The following TENM2 variants were observed in gnomAD, a reference collection of about 807,000 sequenced individuals.
The protein encoded by TENM2 is teneurin transmembrane protein 2.
Under a neutral mutation model 245.2 loss-of-function variants are expected in TENM2, and 52 were observed. That is an observed-to-expected ratio of 0.21 (90% CI 0.17 to 0.27). TENM2 has a LOEUF of 0.27. TENM2 is among the 10% of genes least tolerant of loss of function. TENM2 has a pLI of 1.00. For synonymous variants in TENM2, 1,363 were observed against 1,438.9 expected (o/e 0.95, Z 1.19); for missense variants, 3,046 against 3,666.8 (o/e 0.83, Z 4.37).
the TENM2 span, among the ~76,000 whole-genome samples, chr5:167,142,703 A>T: frequency 6.6e-6 from 1 of 152,042 alleles, no homozygotes; most frequent in Non-Finnish European, 1.5e-5. Flanking sequence ...GGCACGCACC[A>T]CTATGCCCAG....
At chr5:168,170,028 G>A (rs1423240385) in intron 13 of TENM2, among the ~76,000 whole-genome samples, 1 of 152,202 alleles carries the variant, frequency 6.6e-6, no homozygotes, top group African/African-American at 2.4e-5. Context: ...TAGGAGGGAA[G>A]CAGAATTAGC....
intron 2 of TENM2, among the ~76,000 whole-genome samples, chr5:167,378,851 A>G (rs1329812794): frequency 2.9e-5 from 4 of 139,456 alleles, no homozygotes; most frequent in Admixed American, 7.3e-5. Flanking sequence ...TCACCTTGGG[A>G]CTTAAAAATT....
At chr5:168,163,219 G>A (rs781031305) in intron 13 of TENM2, among the ~76,000 whole-genome samples, 6 of 152,160 alleles carry the variant, frequency 3.9e-5, no homozygotes, top group Non-Finnish European at 7.3e-5. Flanking sequence ...TAACTTTTTC[G>A]AGATAATCCA....
intron 2 of TENM2, among the ~76,000 whole-genome samples, chr5:167,576,050 C>A (rs1774657331): frequency 6.6e-6 from 1 of 152,166 alleles, no homozygotes; most frequent in East Asian, 1.9e-4. Flanking sequence ...ATCATATATG[C>A]TTTGCTTTTA....
At chr5:168,252,365 CAAA>C (rs35385737) in intron 27 of TENM2, among the ~76,000 whole-genome samples, 43 of 115,284 alleles carry the variant, frequency 3.7e-4, no homozygotes, top group Non-Finnish European at 4.4e-4. Context: ...GACCCTGTCT[CAAA>C]AAAAAAAAAA....
chr5:167,411,427 C>T (rs1209397321), intron 2 of TENM2, among the ~76,000 whole-genome samples: 5 of 152,026 alleles, frequency 3.3e-5, no homozygotes, highest in South Asian at 2.1e-4. Context: ...TTGTGGAGTA[C>T]GCTGAGTCTT....
chr5:168,048,263 G>C (rs1788784625), intron 6 of TENM2, among the ~76,000 whole-genome samples: 1 of 152,166 alleles, frequency 6.6e-6, no homozygotes, highest in African/African-American at 2.4e-5. Context: ...AATTAAGACA[G>C]AGCAGCCAAT....
intron 3 of TENM2, among the ~76,000 whole-genome samples, chr5:167,908,301 C>T (rs1776260829): frequency 6.8e-6 from 1 of 147,268 alleles, no homozygotes; most frequent in Non-Finnish European, 1.5e-5. Context: ...CCCTACCCTC[C>T]CTTCCCCTCG....
At chr5:167,058,471 A>G in the TENM2 span, among the ~76,000 whole-genome samples, 1 of 152,194 alleles carries the variant, frequency 6.6e-6, no homozygotes, top group Admixed American at 6.5e-5. Context: ...AAAGTATACA[A>G]TTTTTGGCAA....
the TENM2 span, among the ~76,000 whole-genome samples, chr5:167,203,624 C>G: frequency 3.3e-5 from 5 of 152,082 alleles, no homozygotes; most frequent in Admixed American, 6.6e-5. Flanking sequence ...AATAGAGGCT[C>G]TACTTAAAAA....
At chr5:168,227,382 G>T (rs1402619048) in intron 24 of TENM2, among the ~76,000 whole-genome samples, 2 of 152,090 alleles carry the variant, frequency 1.3e-5, no homozygotes, top group African/African-American at 4.8e-5. Context: ...GATGGGGAAG[G>T]TTGACTTCTT....
At chr5:167,714,748 A>G (rs995447499) in intron 2 of TENM2, among the ~76,000 whole-genome samples, 2 of 152,104 alleles carry the variant, frequency 1.3e-5, no homozygotes, top group East Asian at 1.9e-4. Flanking sequence ...TTCTTAGGAT[A>G]TTTTCCCTGT....
intron 2 of TENM2, among the ~76,000 whole-genome samples, chr5:167,852,402 TA>T (rs1274781728): frequency 3.9e-5 from 6 of 152,234 alleles, no homozygotes; most frequent in African/African-American, 1.4e-4. Flanking sequence ...ACAGCTTTTA[TA>T]AAATGATGGT....
intron 13 of TENM2, among the ~76,000 whole-genome samples, chr5:168,177,126 T>A (rs1759432865): frequency 6.6e-6 from 1 of 152,192 alleles, no homozygotes; most frequent in Non-Finnish European, 1.5e-5. Context: ...TACAGCTTGC[T>A]GGAGAAGCAT....
intron 4 of TENM2, among the ~76,000 whole-genome samples, chr5:167,954,186 C>CACACACACACACACAAACAA (rs1206687276): frequency 6.7e-6 from 1 of 148,450 alleles, no homozygotes; most frequent in East Asian, 2.0e-4. Flanking sequence ...CACTCACTCA[C>CACACACACACACACAAACAA]ACACACACAC....
chr5:167,897,893 T>G (rs957722115), intron 3 of TENM2, among the ~76,000 whole-genome samples: 2 of 145,308 alleles, frequency 1.4e-5, no homozygotes, highest in African/African-American at 5.0e-5. Flanking sequence ...GTAAATTGTT[T>G]TTTTTTTTTT....
At chr5:167,993,986 G>A (rs2152016140) in intron 5 of TENM2, among the ~76,000 whole-genome samples, 1 of 152,368 alleles carries the variant, frequency 6.6e-6, no homozygotes. Flanking sequence ...GGTGCCACGT[G>A]CATAAGAGCT....
At chr5:167,233,394 A>C in the TENM2 span, among the ~76,000 whole-genome samples, 1 of 152,108 alleles carries the variant, frequency 6.6e-6, no homozygotes, top group Non-Finnish European at 1.5e-5. Flanking sequence ...TAAAACTATC[A>C]AGCAGGAAAC....
chr5:167,266,326 G>C, the TENM2 span, among the ~76,000 whole-genome samples: 1 of 152,130 alleles, frequency 6.6e-6, no homozygotes, highest in East Asian at 1.9e-4. Flanking sequence ...ATTTTACCTT[G>C]ATTAAGAGTT....
Sources: allele counts gnomAD v4.1 joint callset (sites outside exome capture counted in the v4.1 genomes callset), GRCh38; gene constraint gnomAD v4.1.1; transcripts MANE v1.5; gene names NCBI Gene and HGNC (gene_info 2026-07-23, HGNC 2026-07-21).